Variants in FBLIM1 observed in about 807,000 individuals in gnomAD.
FBLIM1 encodes filamin-binding LIM protein 1.
In FBLIM1, 29 loss-of-function variants were observed where a neutral mutation model predicts 37.4. The ratio of observed to expected loss-of-function variants is 0.77; its 90% CI spans 0.58 to 1.06. The LOEUF is 1.06. Ranked by LOEUF, FBLIM1 falls within the 50% of genes least tolerant of loss-of-function variation. The probability of loss-of-function intolerance (pLI) is 0.00; values close to 1 mark genes in which losing one functional copy is unlikely to be tolerated. For missense variants in FBLIM1, 449 were observed against 505.6 expected (o/e 0.89, Z 1.07); for synonymous variants, 193 against 199.0 (o/e 0.97, Z 0.25).
chr1:15,772,676 A>G (rs2069276048), intron 6 of FBLIM1, among the ~76,000 whole-genome samples: 1 of 152,152 alleles, frequency 6.6e-6, no homozygotes, highest in South Asian at 2.1e-4. Flanking sequence ...TATACCAGCC[A>G]GGCGCGGTGG....
At chr1:15,768,289 C>G (rs1045148309) in intron 4 of FBLIM1, among the ~76,000 whole-genome samples, 2 of 152,200 alleles carry the variant, frequency 1.3e-5, no homozygotes, top group African/African-American at 4.8e-5. Flanking sequence ...ATGGGGAAGC[C>G]TGGTTGCAGG....
chr1:15,759,371 G>A (rs2068555940), intron 1 of FBLIM1, among the ~76,000 whole-genome samples: 1 of 152,196 alleles, frequency 6.6e-6, no homozygotes, highest in Non-Finnish European at 1.5e-5. Context: ...CCCGTCGGGG[G>A]CTGAGAAGGT....
intron 1 of FBLIM1, among the ~76,000 whole-genome samples, chr1:15,762,680 G>A (rs1284377820): frequency 2.6e-5 from 4 of 152,184 alleles, no homozygotes; most frequent in South Asian, 2.1e-4. Flanking sequence ...GTGAGCCATC[G>A]GGTGGCCAGA....
intron 1 of FBLIM1, among the ~76,000 whole-genome samples, chr1:15,760,164 A>C (rs2068600269): frequency 6.6e-6 from 1 of 152,062 alleles, no homozygotes; most frequent in East Asian, 1.9e-4. Context: ...CGGAGGTTGC[A>C]GTGAGCCGAG....
chr1:15,774,905 A>C, intron 7 of FBLIM1, 109 bp downstream of exon 7: 1 of 1,598,718 alleles, frequency 6.3e-7, no homozygotes, highest in Non-Finnish European at 8.5e-7. Flanking sequence ...TTTCCTGTCT[A>C]CTGGTTTATT....
chr1:15,781,674 C>G (rs1431020930), intron 8 of FBLIM1, among the ~76,000 whole-genome samples: 1 of 149,964 alleles, frequency 6.7e-6, no homozygotes. Context: ...TTATTTATGA[C>G]TATTGTTGGA....
chr1:15,781,800 G>A (rs1005138099), intron 8 of FBLIM1, among the ~76,000 whole-genome samples: 5 of 142,402 alleles, frequency 3.5e-5, no homozygotes, highest in African/African-American at 1.3e-4. Context: ...CTCACTGCAA[G>A]CTGCACCTCC....
chr1:15,782,810 C>CTTT (rs36050598), intron 8 of FBLIM1, among the ~76,000 whole-genome samples: 65 of 132,566 alleles, frequency 4.9e-4, no homozygotes, highest in African/African-American at 1.7e-3. Context: ...TATAGGGACT[C>CTTT]TTTTTTTTTT....
At chr1:15,757,150 C>T (rs1215623597), upstream of FBLIM1, among the ~76,000 whole-genome samples, 1 of 152,198 alleles carries the variant, frequency 6.6e-6, no homozygotes, top group African/African-American at 2.4e-5. The surrounding 1 kb of genome is among the most constrained non-coding windows in gnomAD (Gnocchi z 4.1). Context: ...CGAGCAGGGA[C>T]TCAGACAGCC....
intron 6 of FBLIM1, among the ~76,000 whole-genome samples, chr1:15,772,351 T>C (rs894666376): frequency 5.3e-5 from 8 of 152,178 alleles, no homozygotes; most frequent in Admixed American, 3.9e-4. Flanking sequence ...TGGGGGAGTG[T>C]TCCTCAGGGG....
chr1:15,760,467 T>C (rs533897452), intron 1 of FBLIM1, among the ~76,000 whole-genome samples: 1 of 147,118 alleles, frequency 6.8e-6, no homozygotes, highest in South Asian at 2.2e-4. Flanking sequence ...GAGGTGGAGG[T>C]TTCAGTGAGC....
At chr1:15,775,405 T>C in intron 7 of FBLIM1, among the ~76,000 whole-genome samples, 1 of 148,262 alleles carries the variant, frequency 6.7e-6, no homozygotes, top group Admixed American at 6.8e-5. Context: ...CATGGTGGTG[T>C]GTGCCTGTAG....
At position 15,765,189 on chromosome 1, in the gene FBLIM1, C is replaced by G. The variant is rs191042042; in HGVS notation, c.206C>G (p.Ala69Gly). The change falls in exon 3 of 9, where the codon GCT (alanine) becomes GGT (glycine). Residue 69 changes from alanine to glycine, a missense_variant. By Grantham distance (60) the Ala-to-Gly change is moderately conservative. Transcript: ENST00000375766. The surrounding 1 kb of genome is among the most constrained non-coding windows in gnomAD (Gnocchi z 5.9). ...AGCCCCTGGACAACCCCTGGCAGAG[C>G]TGCAGCCACAGTGCCGGCTGCACCT... ...RPSPWTTPGR[A>G]AATVPAAPMQ... 10 of 1,613,754 alleles carry G rather than the reference C, an allele frequency of 6.2e-6. No homozygotes were observed. The highest frequency in any genetic ancestry group is 2.7e-5 in the African/African-American group (2 of 75,060).
intron 8 of FBLIM1, among the ~76,000 whole-genome samples, chr1:15,781,613 T>G (rs191689975): frequency 1.3e-5 from 2 of 151,762 alleles, no homozygotes; most frequent in Admixed American, 1.3e-4. Flanking sequence ...TGGGTTTCCC[T>G]GCACTGCCCA....
chr1:15,785,624 G>A lies in FBLIM1; in HGVS notation c.*963G>A, dbSNP rs2069751670. Reference sequence around the variant, plus strand: ...CACTCCAGCCTGGGAGACACAGCGAGACTCTGTCTCCAAAAAAAAAAGTGC... The same window carrying A: ...CACTCCAGCCTGGGAGACACAGCGAAACTCTGTCTCCAAAAAAAAAAGTGC... On this transcript the variant is annotated 3_prime_UTR_variant, in exon 9 of 9. Transcript: ENST00000375766. 6.6e-6 allele frequency: 1 copy of A among 152,148 alleles called. No individual in the cohort carries two copies. Among genetic ancestry groups the A allele is most frequent in the South Asian group, 2.1e-4 (1 of 4,826 alleles). The allele number at this position is 152,148 out of a possible 1,614,324, so 9.4% of individuals were successfully genotyped here. A position where few individuals can be genotyped will look rare whatever the true frequency, so the allele number is the denominator to read the frequency against.
In FBLIM1 at chr1:15,777,377, G is replaced by T. The variant is rs2069524090; in HGVS notation, c.1008+90G>T. The T allele has an allele frequency of 3.5e-6, 3 of 847,414 alleles. No individual in the cohort carries two copies. In the Admixed American group the frequency reaches 6.9e-5, roughly 20 times the overall value. The allele number at this position is 847,414 out of a possible 1,614,324, so 52.5% of individuals were successfully genotyped here. A position where few individuals can be genotyped will look rare whatever the true frequency, so the allele number is the denominator to read the frequency against. ...CTTGGACATGGGGACAGGTCAGGGT[G>T]GGGGCTGTACTCTCAAATTGCTCAT... On this transcript the variant is annotated intron_variant, in intron 8 of 8. Transcript: ENST00000375766.
chr1:15,765,234 G>C lies in FBLIM1; in HGVS notation c.250+1G>C, dbSNP rs773204629. ...GCACCTATGCAGCTCTTCAATGGAG[G>C]TAAGAGCTGAGGGGACTTTGGGGAA... On this transcript the variant is annotated splice_donor_variant, in intron 3 of 8. Coordinates refer to ENST00000375766, the MANE Select transcript of FBLIM1 (RefSeq NM_017556.4). LOFTEE classifies it high-confidence loss of function. This position sits in a 1 kb window ranked among gnomAD's most constrained non-coding sequence, Gnocchi z 5.9. The C allele has an allele frequency of 5.0e-6, 8 of 1,607,322 alleles. No homozygotes were observed. Among genetic ancestry groups the C allele is most frequent in the Non-Finnish European group, 1.7e-6 (2 of 1,175,354 alleles).
chr1:15,779,882 T>G (rs888154403), intron 8 of FBLIM1, among the ~76,000 whole-genome samples: 22 of 152,174 alleles, frequency 1.4e-4, no homozygotes, highest in African/African-American at 4.8e-4. Context: ...GATTTTTGTT[T>G]GTTTGTTTGT....
chr1:15,783,246 C>G (rs781143846), intron 8 of FBLIM1, among the ~76,000 whole-genome samples: 1 of 152,042 alleles, frequency 6.6e-6, no homozygotes, highest in Non-Finnish European at 1.5e-5. Flanking sequence ...ATTTGGGCCC[C>G]GAGTCCCTGT....
Sources: gnomAD v4.1 joint callset for allele counts (sites outside exome capture counted in the v4.1 genomes callset) on GRCh38, gnomAD v4.1.1 for gene constraint, Gnocchi (gnomAD v3.1) non-coding constraint, MANE v1.5 for transcripts, NCBI Gene and HGNC (gene_info 2026-07-23, HGNC 2026-07-21) for gene names.